ADGRE1: variants seen among roughly 807,000 people sequenced by gnomAD.
ADGRE1 encodes the protein EGF-like module receptor 1.
A neutral mutation model predicts 102.7 loss-of-function variants in ADGRE1; 82 were observed. That is an observed-to-expected ratio of 0.80 (90% CI 0.67 to 0.96). The LOEUF (loss-of-function observed/expected upper bound fraction) is 0.96. Among genes scored for constraint, ADGRE1 ranks in the 40% least tolerant of loss-of-function variants. ADGRE1 has a pLI of 0.00. For synonymous variants in ADGRE1, 398 were observed against 399.6 expected, an observed-to-expected ratio of 1.00 and a Z score of 0.05; for missense variants, 1,032 against 1,085.3, an observed-to-expected ratio of 0.95 and a Z score of 0.69.
rs749945530 is a variant in ADGRE1 at position 6,906,506 on chromosome 19, A to G, written c.1023A>G (p.Ala341=). The change falls in exon 9 of 21, where the codon GCA becomes GCG. Residue 341 remains alanine (A), a synonymous_variant. Coordinates refer to ENST00000312053, the MANE Select transcript of ADGRE1 (RefSeq NM_001974.5). The part of the protein sequence containing the change: ...KQIQQCQEGT[A]VKPAYVSFCA... ...TCCAGCAATGCCAAGAGGGAACCGC[A>G]GTGAAACCTGCATATGCAAGTATTT... 6.2e-7 allele frequency: 1 copy of G among 1,613,718 alleles called. No individual in the cohort carries two copies. Among genetic ancestry groups the G allele is most frequent in the East Asian group, 2.2e-5 (1 of 44,886 alleles).
rs760348057 is a variant in ADGRE1 at position 6,919,673 on chromosome 19, G to A, written c.1546G>A (p.Val516Ile). The A allele has an allele frequency of 2.5e-5, 41 of 1,613,362 alleles. 1 individual carries two copies. In the Admixed American group the frequency reaches 5.2e-4, roughly 20 times the overall value. Residue 516 changes from valine to isoleucine, a missense_variant, in exon 13 of 21, where the codon GTT becomes ATT. Val to Ile is a conservative substitution (Grantham distance 29, BLOSUM62 3). Coordinates refer to ENST00000312053, the MANE Select transcript of ADGRE1 (RefSeq NM_001974.5). ...EIKLKMNSRV[V>I]GGIMTGEKKD... ...CAAGCTGAAGATGAATTCTCGAGTC[G>A]TTGGGGGCATAATGACTGGAGAGAA...
At chr19:6,902,134 G>C in intron 6 of ADGRE1, 113 bp downstream of exon 6, 2 of 1,364,944 alleles carry the variant, frequency 1.5e-6, no homozygotes, top group Non-Finnish European at 2.0e-6. Context: ...CAAATCTGAA[G>C]CCAATAATCA....
intron 8 of ADGRE1, among the ~76,000 whole-genome samples, chr19:6,905,832 A>G (rs1973930902): frequency 6.6e-6 from 1 of 152,210 alleles, no homozygotes; most frequent in Non-Finnish European, 1.5e-5. Context: ...TTCCAAATAT[A>G]ATAAAGATAA....
At chr19:6,932,481 A>AAAAT (rs1975200993) in intron 17 of ADGRE1, among the ~76,000 whole-genome samples, 1 of 152,148 alleles carries the variant, frequency 6.6e-6, no homozygotes, top group Non-Finnish European at 1.5e-5. Flanking sequence ...AAATAAAATA[A>AAAAT]AAATAAATAA....
At chr19:6,939,381 C>T (rs1975576921) in intron 20 of ADGRE1, among the ~76,000 whole-genome samples, 1 of 152,132 alleles carries the variant, frequency 6.6e-6, no homozygotes, top group Admixed American at 6.6e-5. Context: ...GATGCAAGCA[C>T]CTTAGATCCA....
chr19:6,897,445 A>T lies in ADGRE1; in HGVS notation c.412A>T (p.Thr138Ser), dbSNP rs151147887. 2.5e-6 allele frequency: 4 copies of T among 1,596,412 alleles called. No homozygotes were observed. Among genetic ancestry groups the T allele is most frequent in the Non-Finnish European group, 3.4e-6 (4 of 1,171,498 alleles). Reference sequence around the variant, plus strand: ...CTTCTCAGATATCAATGAGTGCCTCACCAGCAGCGTCTGCCCTGAGCATTC... The same window carrying T: ...CTTCTCAGATATCAATGAGTGCCTCTCCAGCAGCGTCTGCCCTGAGCATTC... ...FSCTDINECL[T>S]SSVCPEHSDC... The change falls in exon 5 of 21, where the codon ACC becomes TCC. Residue 138 changes from threonine (T) to serine (S), a missense_variant. Transcript: ENST00000312053.
chr19:6,921,598 C>A, intron 13 of ADGRE1, 115 bp from the exon 14 acceptor site: 1 of 1,230,478 alleles, frequency 8.1e-7, no homozygotes, highest in Non-Finnish European at 1.1e-6. Flanking sequence ...CCCATTCCCT[C>A]AGAACATACC....
chr19:6,929,094 C>T (rs1975037475), intron 17 of ADGRE1, among the ~76,000 whole-genome samples: 2 of 152,174 alleles, frequency 1.3e-5, no homozygotes, highest in Admixed American at 1.3e-4. Flanking sequence ...TGCACAGGTC[C>T]ATGAGTCTCT....
At position 6,897,146 on chromosome 19, in the gene ADGRE1, T is replaced by C. The variant is rs186620441; in HGVS notation, c.239-3T>C. The C allele has an allele frequency of 1.9e-6, 3 of 1,610,610 alleles. No individual in the cohort carries two copies. The highest frequency in any genetic ancestry group is 4.5e-5 in the East Asian group (2 of 44,748). On this transcript the variant is annotated splice_polypyrimidine_tract_variant and splice_region_variant and intron_variant, in intron 3 of 20. Transcript: ENST00000312053. Reference sequence around the variant, plus strand: ...AAATTTGTAACTCCAATTCTCTGTCTAGATATTGATGAATGTTCTCAAAGC... The same window carrying C: ...AAATTTGTAACTCCAATTCTCTGTCCAGATATTGATGAATGTTCTCAAAGC...
At chr19:6,937,159 C>T in intron 18 of ADGRE1, 84 bp from the exon 19 acceptor site, 1 of 1,480,794 alleles carries the variant, frequency 6.8e-7, no homozygotes, top group Non-Finnish European at 9.2e-7. Flanking sequence ...GGAGAGTGGC[C>T]ACCTCAGACC....
rs201517457 is a variant in ADGRE1, at chr19:6,924,777, C to A, written c.1891C>A (p.Arg631=). 6.2e-7 allele frequency: 1 copy of A among 1,614,144 alleles called. No homozygotes were observed. The highest frequency in any genetic ancestry group is 8.5e-7 in the Non-Finnish European group (1 of 1,180,028). ...IATFLLCRSI[R]NHNTYLHLHL... ...CACCTTTCTGCTGTGTCGCTCCATC[C>A]GAAATCACAACACCTACCTCCACCT... The change falls in exon 15 of 21, where the codon CGA becomes AGA. Residue 631 remains arginine, a synonymous_variant. Transcript: ENST00000312053.
chr19:6,890,420 GGTT>G, intron 1 of ADGRE1, 58 bp from the exon 2 acceptor site: 2 of 1,091,220 alleles, frequency 1.8e-6, no homozygotes, highest in Non-Finnish European at 1.3e-6. Context: ...GAGCCCAAAA[GGTT>G]TTTTTTTTTT....
chr19:6,894,940 A>G (rs1599712518), intron 2 of ADGRE1: 1 of 152,386 alleles, frequency 6.6e-6, no homozygotes, highest in Middle Eastern at 3.4e-3. Context: ...ACTTGTCCCA[A>G]GACTGGATTG....
At chr19:6,925,151 C>T (rs138192782) in intron 15 of ADGRE1, among the ~76,000 whole-genome samples, 4,796 of 152,150 alleles carry the variant, frequency 0.032, 252 homozygotes, top group African/African-American at 0.11. Context: ...TACTGAGTTT[C>T]GCTCTTGTTG....
In ADGRE1 at chr19:6,924,592, G is replaced by C. The variant is rs539553022; in HGVS notation, c.1792-86G>C. On this transcript the variant is annotated intron_variant, in intron 14 of 20. Transcript: ENST00000312053. ...AAATTCCCCCAAGCTAATTTTGCCC[G>C]AGCCAGGGTTTTAGATAACTCTTCT... is the stretch of plus-strand genomic sequence containing the variant. 5.6e-5 allele frequency: 71 copies of C among 1,271,942 alleles called. No individual in the cohort carries two copies. The South Asian group carries it at 9.7e-4, about 17-fold the overall frequency. The allele number at this position is 1,271,942 out of a possible 1,614,324, so 78.8% of individuals were successfully genotyped here. A position where few individuals can be genotyped will look rare whatever the true frequency, so the allele number is the denominator to read the frequency against.
intron 17 of ADGRE1, among the ~76,000 whole-genome samples, chr19:6,934,308 C>T (rs141483416): frequency 7.9e-5 from 12 of 152,032 alleles, no homozygotes; most frequent in African/African-American, 2.7e-4. Context: ...ATTAAGGAAG[C>T]TGTCAATTAC....
chr19:6,921,857 G>A lies in ADGRE1; in HGVS notation c.1765G>A (p.Val589Ile), dbSNP rs7256147. Residue 589 changes from valine to isoleucine, a missense_variant, in exon 14 of 21, where the codon GTT (valine) becomes ATT (isoleucine). By Grantham distance (29) the Val-to-Ile change is conservative (BLOSUM62 3). Transcript: ENST00000312053. ...CSCNQMANLA[V>I]IMASGELTMD... is the part of the protein sequence containing the mutation. ...CTGTAATCAGATGGCAAATCTTGCC[G>A]TTATCATGGCGTCTGGGGAGCTCAC... 0.2 allele frequency: 319,820 copies of A among 1,613,496 alleles called. 32,415 individuals are homozygous for A. Among genetic ancestry groups the A allele is most frequent in the Middle Eastern group, 0.27 (1,594 of 6,010 alleles).
chr19:6,937,285 C>A lies in ADGRE1; in HGVS notation c.2424C>A (p.Gly808=), dbSNP rs1975452436. 6.2e-7 allele frequency: 1 copy of A among 1,614,132 alleles called. No homozygotes were observed. The highest frequency in any genetic ancestry group is 8.5e-7 in the Non-Finnish European group (1 of 1,180,004). The change falls in exon 19 of 21, where the codon GGC becomes GGA. Residue 808 remains glycine, a synonymous_variant. Coordinates refer to ENST00000312053, the MANE Select transcript of ADGRE1 (RefSeq NM_001974.5). ...CCTTTGCCCAGCTCTTCATCCTGGG[C>A]TGCTCCTGGGTGCTGGGCATTTTTC... ...FKAFAQLFIL[G]CSWVLGIFQI... is the part of the protein sequence containing the mutation.
At position 6,919,741 on chromosome 19, in the gene ADGRE1, C is replaced by T. The variant is rs1974561640; in HGVS notation, c.1614C>T (p.Asn538=). 6.2e-7 allele frequency: 1 copy of T among 1,613,352 alleles called. No homozygotes were observed. Among genetic ancestry groups the T allele is most frequent in the Non-Finnish European group, 8.5e-7 (1 of 1,179,640 alleles). ...FSDPIIYTLE[N]IQPKQKFERP... is the part of the protein sequence containing the mutation. ...ATCCAATCATCTACACTCTGGAGAA[C>T]ATTCAGGTTTGTGAAGAGGTCTCTA... The change falls in exon 13 of 21, where the codon AAC becomes AAT. Residue 538 remains asparagine (N), a synonymous_variant. Transcript: ENST00000312053.
Sources: gnomAD v4.1 joint callset for allele counts (sites outside exome capture counted in the v4.1 genomes callset) on GRCh38, gnomAD v4.1.1 for gene constraint, MANE v1.5 for transcripts, NCBI Gene and HGNC (gene_info 2026-07-23, HGNC 2026-07-21) for gene names.